Variants in AP3S1 observed in about 807,000 individuals in gnomAD.
AP3S1 encodes the protein adaptor related protein complex 3 subunit sigma 1, also known as AP-3 complex subunit sigma-1.
Under a neutral mutation model 21.3 loss-of-function variants are expected in AP3S1, and 12 were observed. The ratio of observed to expected loss-of-function variants is 0.56; its 90% CI spans 0.36 to 0.91. AP3S1 has a LOEUF of 0.91. Ranked by LOEUF, AP3S1 falls within the 40% of genes least tolerant of loss-of-function variation. AP3S1 has a pLI of 0.01. For missense variants in AP3S1, 116 were observed against 225.0 expected, an observed-to-expected ratio of 0.52 and a Z score of 3.10; for synonymous variants, 48 against 78.4, an observed-to-expected ratio of 0.61 and a Z score of 2.05.
intron 1 of AP3S1, among the ~76,000 whole-genome samples, chr5:115,844,073 A>G (rs927805182): frequency 1.3e-5 from 2 of 152,216 alleles, no homozygotes; most frequent in African/African-American, 4.8e-5. Flanking sequence ...AGTTTCTATA[A>G]GTTGGGTTTT....
chr5:115,858,004 C>G lies in AP3S1; in HGVS notation c.70-8666C>G, dbSNP rs536058687. ...TGCCAGTTGTCTGAATCATACACATCTTTTCTCAGTTTTAGGTTCTTAAAT... is the reference window on the plus strand; with the variant it reads ...TGCCAGTTGTCTGAATCATACACATGTTTTCTCAGTTTTAGGTTCTTAAAT... On this transcript the variant is annotated intron_variant, in intron 1 of 5. Coordinates refer to ENST00000316788, the MANE Select transcript of AP3S1 (RefSeq NM_001284.4). Among the ~76,000 whole-genome samples, 7 of 152,296 alleles carry G rather than the reference C, an allele frequency of 4.6e-5. No homozygotes were observed. The South Asian group carries it at 1.2e-3, about 27-fold the overall frequency.
chr5:115,912,523 G>C (rs1333965022), intron 5 of AP3S1, among the ~76,000 whole-genome samples: 1 of 151,890 alleles, frequency 6.6e-6, no homozygotes, highest in African/African-American at 2.4e-5. Context: ...CTACTAATAG[G>C]AAAGCCAAAT....
intron 1 of AP3S1, among the ~76,000 whole-genome samples, chr5:115,865,244 G>A (rs1218892051): frequency 2.0e-5 from 3 of 152,008 alleles, no homozygotes; most frequent in Non-Finnish European, 4.4e-5. Context: ...TCAGTGAATA[G>A]TAAATATATT....
At chr5:115,844,937 A>G (rs921026599) in intron 1 of AP3S1, among the ~76,000 whole-genome samples, 2 of 152,368 alleles carry the variant, frequency 1.3e-5, no homozygotes, top group South Asian at 4.1e-4. Context: ...AGTCTTGAAC[A>G]TAGAAAACTC....
intron 1 of AP3S1, among the ~76,000 whole-genome samples, chr5:115,856,471 C>T (rs1244604778): frequency 1.3e-5 from 2 of 149,698 alleles, no homozygotes; most frequent in Non-Finnish European, 3.0e-5. Context: ...CTTGCCCTGT[C>T]TCCCAGGCTG....
Position 115,913,674 on chromosome 5 carries a change from G to A in AP3S1, c.*184G>A, listed in dbSNP as rs1752286125. 1.8e-6 allele frequency: 2 copies of A among 1,091,642 alleles called. No homozygotes were observed. The highest frequency in any genetic ancestry group is 5.7e-5 in the East Asian group (2 of 35,372). 67.6% of individuals were successfully genotyped at this position (1,091,642 alleles called of 1,614,324 possible). On this transcript the variant is annotated 3_prime_UTR_variant, in exon 6 of 6. Coordinates refer to ENST00000316788, the MANE Select transcript of AP3S1 (RefSeq NM_001284.4). ...TTCAATGTTGCTGTTCTTGCTCAGT[G>A]ATTTTAAAGAAATTGAGTAGTTCCT...
At chr5:115,911,832 T>G (rs1431259434) in intron 5 of AP3S1, among the ~76,000 whole-genome samples, 1 of 151,994 alleles carries the variant, frequency 6.6e-6, no homozygotes, top group Admixed American at 6.6e-5. Context: ...TTCAGGTAGG[T>G]ATAAGTATAG....
chr5:115,897,962 G>A (rs1217980665), intron 4 of AP3S1, among the ~76,000 whole-genome samples: 1 of 152,200 alleles, frequency 6.6e-6, no homozygotes, highest in Non-Finnish European at 1.5e-5. Context: ...GAAAGTTGTA[G>A]AGAATATCCC....
chr5:115,871,747 A>T (rs1230229523), intron 3 of AP3S1, among the ~76,000 whole-genome samples: 1 of 152,020 alleles, frequency 6.6e-6, no homozygotes, highest in Non-Finnish European at 1.5e-5. Context: ...TAGCTCATTG[A>T]GTCCTTTATG....
At chr5:115,894,405 A>G (rs1482120921) in intron 3 of AP3S1, among the ~76,000 whole-genome samples, 1 of 152,200 alleles carries the variant, frequency 6.6e-6, no homozygotes, top group Non-Finnish European at 1.5e-5. Flanking sequence ...TTGGTACAGC[A>G]TGGCCCAAGA....
At chr5:115,868,944 A>AGGGAGGGAG (rs1561490532) in intron 2 of AP3S1, among the ~76,000 whole-genome samples, 2 of 43,948 alleles carry the variant, frequency 4.6e-5, no homozygotes, top group African/African-American at 1.9e-4. Context: ...GAGGGAAGGA[A>AGGGAGGGAG]GGAAGGAAGG....
intron 1 of AP3S1, among the ~76,000 whole-genome samples, chr5:115,854,519 G>A (rs1762660561): frequency 6.6e-6 from 1 of 152,080 alleles, no homozygotes; most frequent in East Asian, 1.9e-4. Context: ...GCACACTCTG[G>A]CTGAAGTTAG....
chr5:115,897,685 G>A (rs1216903022), intron 4 of AP3S1, among the ~76,000 whole-genome samples: 1 of 151,494 alleles, frequency 6.6e-6, no homozygotes, highest in Non-Finnish European at 1.5e-5. Flanking sequence ...TCAGCCTCCC[G>A]AGTAGCTGGG....
At chr5:115,879,560 GT>G (rs368504815) in intron 3 of AP3S1, among the ~76,000 whole-genome samples, 4 of 152,168 alleles carry the variant, frequency 2.6e-5, no homozygotes, top group African/African-American at 9.7e-5. Flanking sequence ...ACTTGATTGT[GT>G]TGGATAAGCT....
chr5:115,857,631 A>T (rs1299742648), intron 1 of AP3S1, among the ~76,000 whole-genome samples: 1 of 152,176 alleles, frequency 6.6e-6, no homozygotes, highest in Non-Finnish European at 1.5e-5. Context: ...CCTTTCCACA[A>T]GTAACTATTT....
rs531855061 is a variant in AP3S1 at position 115,897,590 on chromosome 5, C to G, written c.345+2432C>G. Among the ~76,000 whole-genome samples the G allele has an allele frequency of 2.6e-5, 4 of 151,582 alleles. No homozygotes were observed. In the East Asian group the frequency reaches 7.8e-4, roughly 29 times the overall value. ...TTCTTTTTTTTTTCTGAGATGGAGT[C>G]TCGCTCTGTCACCCAGGCTGGAGTG... On this transcript the variant is annotated intron_variant, in intron 4 of 5. Transcript: ENST00000316788.
chr5:115,878,821 A>G (rs1184922460), intron 3 of AP3S1, among the ~76,000 whole-genome samples: 2 of 152,166 alleles, frequency 1.3e-5, no homozygotes, highest in African/African-American at 2.4e-5. Context: ...GATTCTTCCT[A>G]TCCATGAGCA....
At chr5:115,900,517 T>C (rs1173153894) in intron 4 of AP3S1, among the ~76,000 whole-genome samples, 1 of 152,208 alleles carries the variant, frequency 6.6e-6, no homozygotes, top group African/African-American at 2.4e-5. Flanking sequence ...TTGTCAACCA[T>C]TCTTTTCTAG....
chr5:115,847,073 A>G (rs2112768316), intron 1 of AP3S1, among the ~76,000 whole-genome samples: 1 of 152,300 alleles, frequency 6.6e-6, no homozygotes, highest in South Asian at 2.1e-4. Context: ...TCCTTTGGTA[A>G]TCAGTTCAAT....
Sources: gnomAD v4.1 joint callset for allele counts (sites outside exome capture counted in the v4.1 genomes callset) on GRCh38, gnomAD v4.1.1 for gene constraint, MANE v1.5 for transcripts, NCBI Gene and HGNC (gene_info 2026-07-23, HGNC 2026-07-21) for gene names.